NEDD8: variants seen among roughly 807,000 people sequenced by gnomAD.
NEDD8 encodes the protein ubiquitin-like protein NEDD8.
NEDD8 carries 1 observed loss-of-function variant against 13.8 expected under a neutral mutation model. The ratio of observed to expected loss-of-function variants is 0.07; its 90% confidence interval spans 0.03 to 0.34. The LOEUF (loss-of-function observed/expected upper bound fraction) is 0.34. Among genes scored for constraint, NEDD8 ranks in the 10% least tolerant of loss-of-function variants. The probability of loss-of-function intolerance (pLI) is 0.99; values close to 1 mark genes in which losing one functional copy is unlikely to be tolerated. For missense variants in NEDD8, 10 were observed against 95.2 expected (o/e 0.10, Z 3.73); for synonymous variants, 31 against 33.2 (o/e 0.93, Z 0.23).
At chr14:24,222,484 T>C (rs999436469) in intron 1 of NEDD8, among the ~76,000 whole-genome samples, 1 of 152,218 alleles carries the variant, frequency 6.6e-6, no homozygotes, top group Non-Finnish European at 1.5e-5. Flanking sequence ...TGCTTTTCTG[T>C]ATTTTCCATT....
chr14:24,218,669 T>A lies in NEDD8; in HGVS notation c.19-238A>T, dbSNP rs774031426. The A allele has an allele frequency of 5.1e-6, 3 of 589,528 alleles. No individual in the cohort carries two copies. In the East Asian group the frequency reaches 8.5e-5, roughly 17 times the overall value. 36.5% of individuals were successfully genotyped at this position (589,528 alleles called of 1,614,324 possible). On this transcript the variant is annotated intron_variant, in intron 1 of 3. Coordinates refer to ENST00000250495, the MANE Select transcript of NEDD8 (RefSeq NM_006156.3). Reference sequence around the variant, plus strand: ...GAACCATCTGATCCTCTTAATTCCATGAGTCATCTTCCAACATCAGTCCCC... The same window carrying A: ...GAACCATCTGATCCTCTTAATTCCAAGAGTCATCTTCCAACATCAGTCCCC...
At chr14:24,219,238 G>A (rs1475510480) in intron 1 of NEDD8, among the ~76,000 whole-genome samples, 1 of 151,700 alleles carries the variant, frequency 6.6e-6, no homozygotes, top group Non-Finnish European at 1.5e-5. Flanking sequence ...GAGGCGGGAG[G>A]ATCACTTGAG....
intron 1 of NEDD8, among the ~76,000 whole-genome samples, chr14:24,229,509 C>T (rs958521616): frequency 3.9e-5 from 6 of 152,184 alleles, no homozygotes; most frequent in African/African-American, 1.4e-4. Flanking sequence ...TGAGCCACCA[C>T]GCCTGGCCTT....
intron 1 of NEDD8, among the ~76,000 whole-genome samples, chr14:24,222,139 AG>A (rs2039819778): frequency 6.6e-6 from 1 of 152,234 alleles, no homozygotes; most frequent in Admixed American, 6.5e-5. Context: ...TATGTCCAAA[AG>A]TATACCTACA....
intron 1 of NEDD8, among the ~76,000 whole-genome samples, chr14:24,224,899 C>T (rs896734817): frequency 6.6e-6 from 1 of 152,156 alleles, no homozygotes. Context: ...TGTCTCATGC[C>T]TGTAATCCCA....
chr14:24,227,240 AT>A (rs932794311), intron 1 of NEDD8: 6 of 152,264 alleles, frequency 3.9e-5, no homozygotes, highest in Non-Finnish European at 8.8e-5. Context: ...ATTTTACTGT[AT>A]GTTAAAAAAC....
Position 24,218,192 on chromosome 14 carries a change from C to T in NEDD8, c.90G>A (p.Val30=). ...TDKVERIKER[V]EEKEGIPPQQ... ...GTGGGGGGATTCCCTCTTTCTCCTCCACACGCTCCTTGATTCGCTCCACCT... is the reference window on the plus strand; with the variant it reads ...GTGGGGGGATTCCCTCTTTCTCCTCTACACGCTCCTTGATTCGCTCCACCT... The change falls in exon 3 of 4, where the codon GTG becomes GTA. Residue 30 remains valine, a synonymous_variant. Coordinates refer to ENST00000250495, the MANE Select transcript of NEDD8 (RefSeq NM_006156.3). 1 of 1,614,164 alleles carries T rather than the reference C, an allele frequency of 6.2e-7. No homozygotes were observed. Among genetic ancestry groups the T allele is most frequent in the Middle Eastern group, 1.6e-4 (1 of 6,062 alleles).
intron 1 of NEDD8, among the ~76,000 whole-genome samples, chr14:24,223,643 G>A (rs1296867984): frequency 6.6e-6 from 1 of 151,560 alleles, no homozygotes; most frequent in Admixed American, 6.6e-5. Flanking sequence ...CCAACTCCTG[G>A]GCTGAAAGTA....
rs968541168 is a variant in NEDD8, at chr14:24,216,891, A to G, written c.*236T>C. The G allele has an allele frequency of 4.3e-4, 203 of 474,344 alleles. 1 individual carries two copies. Among genetic ancestry groups the G allele is most frequent in the African/African-American group, 3.9e-3 (199 of 50,840 alleles). The allele number at this position is 474,344 out of a possible 1,614,324, so 29.4% of individuals were successfully genotyped here. A position where few individuals can be genotyped will look rare whatever the true frequency, so the allele number is the denominator to read the frequency against. ...GCCAGGAAATATTTTATTGACAACC[A>G]GGGACACAGTCATAAGAGAGGGAAG... On this transcript the variant is annotated 3_prime_UTR_variant, in exon 4 of 4. Coordinates refer to ENST00000250495, the MANE Select transcript of NEDD8 (RefSeq NM_006156.3).
Position 24,216,864 on chromosome 14 carries a change from A to G in NEDD8, c.*263T>C. ...TGTGCAACAGAAGAAAGATTCCAGG[A>G]GGCCAGGAAATATTTTATTGACAAC... On this transcript the variant is annotated 3_prime_UTR_variant, in exon 4 of 4. Transcript: ENST00000250495. 2.5e-6 allele frequency: 1 copy of G among 401,444 alleles called. No homozygotes were observed. The highest frequency in any genetic ancestry group is 4.5e-6 in the Non-Finnish European group (1 of 220,198). 24.9% of individuals were successfully genotyped at this position (401,444 alleles called of 1,614,324 possible). A position where few individuals can be genotyped will look rare whatever the true frequency, so the allele number is the denominator to read the frequency against.
In NEDD8 at chr14:24,232,327, G is replaced by A. The variant is rs1319841555; in HGVS notation, c.-60C>T. 3.8e-6 allele frequency: 6 copies of A among 1,594,276 alleles called. No homozygotes were observed. The highest frequency in any genetic ancestry group is 5.1e-6 in the Non-Finnish European group (6 of 1,172,896). On this transcript the variant is annotated 5_prime_UTR_variant, in exon 1 of 4. Transcript: ENST00000250495. ...TGCTGCTCCTACCGCTCCGGTCGCC[G>A]CTGCCGCCCTCCAGCACTCTTGCCT...
chr14:24,230,705 G>A lies in NEDD8; in HGVS notation c.18+1545C>T, dbSNP rs372217729. ...GCCATCTCAGCTCACTGCAATCTCC[G>A]CCTCCCAGGTTCAAGGGATTCTCCT... On this transcript the variant is annotated intron_variant, in intron 1 of 3. Coordinates refer to ENST00000250495, the MANE Select transcript of NEDD8 (RefSeq NM_006156.3). Among the ~76,000 whole-genome samples the A allele has an allele frequency of 5.4e-5, 8 of 147,604 alleles. No homozygotes were observed. In the East Asian group the frequency reaches 6.1e-4, roughly 11 times the overall value.
intron 1 of NEDD8, among the ~76,000 whole-genome samples, chr14:24,220,625 G>A (rs1296504533): frequency 6.6e-6 from 1 of 152,110 alleles, no homozygotes; most frequent in Non-Finnish European, 1.5e-5. Context: ...CCCAGCCATT[G>A]AACACTTTCT....
intron 1 of NEDD8, among the ~76,000 whole-genome samples, chr14:24,220,782 G>A (rs2039794683): frequency 6.6e-6 from 1 of 152,198 alleles, no homozygotes; most frequent in Non-Finnish European, 1.5e-5. Flanking sequence ...CAAAAGTAGA[G>A]ATTGGATCCA....
At chr14:24,224,172 G>A (rs1486835183) in intron 1 of NEDD8, among the ~76,000 whole-genome samples, 3 of 151,976 alleles carry the variant, frequency 2.0e-5, no homozygotes, top group East Asian at 1.9e-4. Flanking sequence ...CTTGTGATCC[G>A]CCCGCCTCGG....
At chr14:24,223,929 T>A (rs1373671838) in intron 1 of NEDD8, among the ~76,000 whole-genome samples, 1 of 151,580 alleles carries the variant, frequency 6.6e-6, no homozygotes, top group East Asian at 1.9e-4. Context: ...TTTTATTATT[T>A]TTATTTTTAT....
intron 1 of NEDD8, among the ~76,000 whole-genome samples, chr14:24,221,424 C>T (rs990217662): frequency 3.3e-5 from 5 of 151,630 alleles, no homozygotes; most frequent in Admixed American, 6.6e-5. Flanking sequence ...GCATCACAGG[C>T]GGGCACCACC....
intron 1 of NEDD8, among the ~76,000 whole-genome samples, chr14:24,231,329 AG>A: frequency 6.6e-6 from 1 of 152,344 alleles, no homozygotes; most frequent in East Asian, 1.9e-4. Flanking sequence ...ATCTTAGCTA[AG>A]AAGTAGTTTG....
chr14:24,229,907 C>T (rs1472713338), intron 1 of NEDD8, among the ~76,000 whole-genome samples: 1 of 151,778 alleles, frequency 6.6e-6, no homozygotes, highest in Non-Finnish European at 1.5e-5. Flanking sequence ...CCCGTTTCTA[C>T]TAAAAATACA....
Sources: allele counts gnomAD v4.1 joint callset (sites outside exome capture counted in the v4.1 genomes callset), GRCh38; gene constraint gnomAD v4.1.1; transcripts MANE v1.5; gene names NCBI Gene and HGNC (gene_info 2026-07-23, HGNC 2026-07-21).